Variants in MYO5B observed in about 807,000 individuals in gnomAD.
The protein encoded by MYO5B is unconventional myosin-Vb.
MYO5B carries 143 observed loss-of-function variants against 229.3 expected under a neutral mutation model. The observed-to-expected ratio is 0.62, with a 90% CI of 0.54 to 0.72. The LOEUF (loss-of-function observed/expected upper bound fraction) is 0.72. MYO5B is among the 30% of genes least tolerant of loss of function. The pLI is 0.00. For missense variants in MYO5B, 2,321 were observed against 2,331.0 expected (o/e 1.00, Z 0.09); for synonymous variants, 918 against 885.2 (o/e 1.04, Z -0.66).
chr18:50,040,769 A>C (rs2029990808), intron 2 of MYO5B, among the ~76,000 whole-genome samples: 1 of 152,136 alleles, frequency 6.6e-6, no homozygotes, highest in African/African-American at 2.4e-5. Context: ...AAGTTGAACC[A>C]TTTGTGCATA....
chr18:49,984,628 G>T, intron 8 of MYO5B, 90 bp downstream of exon 8: 1 of 996,746 alleles, frequency 1.0e-6, no homozygotes, highest in Non-Finnish European at 1.6e-6. Flanking sequence ...CCTGCAGGTT[G>T]CTGGCAAGCA....
chr18:50,124,863 A>C (rs2032131654), intron 1 of MYO5B, among the ~76,000 whole-genome samples: 1 of 152,220 alleles, frequency 6.6e-6, no homozygotes, highest in African/African-American at 2.4e-5. Context: ...TGCAGATAAC[A>C]ACATAAGAAT....
chr18:49,888,427 T>C (rs2024670764), intron 22 of MYO5B, among the ~76,000 whole-genome samples: 1 of 152,100 alleles, frequency 6.6e-6, no homozygotes. Context: ...GGGGGTCATC[T>C]GGATTAGGCC....
At chr18:50,070,018 C>CTTTTTTTTTTTTTTTTT (rs765610800) in intron 1 of MYO5B, among the ~76,000 whole-genome samples, 9 of 110,064 alleles carry the variant, frequency 8.2e-5, no homozygotes, top group African/African-American at 3.0e-4. Flanking sequence ...GCAATTTAGT[C>CTTTTTTTTTTTTTTTTT]TTTTTTTTTT....
intron 27 of MYO5B, chr18:49,871,487 T>C (rs2024455431): frequency 6.4e-6 from 1 of 156,404 alleles, no homozygotes; most frequent in African/African-American, 2.4e-5. Flanking sequence ...ATGGGAATGA[T>C]TCAAGACTGT....
At chr18:50,156,321 G>T (rs995094442) in intron 1 of MYO5B, among the ~76,000 whole-genome samples, 1 of 152,156 alleles carries the variant, frequency 6.6e-6, no homozygotes, top group Non-Finnish European at 1.5e-5. Flanking sequence ...ATCTCATCTT[G>T]AACTATAGTT....
intron 4 of MYO5B, among the ~76,000 whole-genome samples, chr18:50,021,458 T>A (rs1299064214): frequency 6.6e-6 from 1 of 152,140 alleles, no homozygotes. Context: ...CAAGAGGGGA[T>A]ATAATAAAGG....
intron 2 of MYO5B, among the ~76,000 whole-genome samples, chr18:50,042,525 G>T (rs1309952046): frequency 1.3e-5 from 2 of 152,124 alleles, no homozygotes; most frequent in African/African-American, 4.8e-5. Flanking sequence ...GGAAACCAGT[G>T]AACAATTAAC....
At chr18:50,029,448 A>G (rs537413393) in intron 4 of MYO5B, among the ~76,000 whole-genome samples, 2 of 152,322 alleles carry the variant, frequency 1.3e-5, no homozygotes, top group African/African-American at 4.8e-5. Context: ...GTCCTAAAGC[A>G]ATTCTGACTA....
chr18:50,023,331 G>T (rs2026297108), intron 4 of MYO5B, among the ~76,000 whole-genome samples: 1 of 152,080 alleles, frequency 6.6e-6, no homozygotes, highest in African/African-American at 2.4e-5. Flanking sequence ...ACTGCAGTGG[G>T]CCCACAACAC....
rs1363770432 is a variant in MYO5B, at chr18:50,043,469, AT to A, written c.139-3156del. Among the ~76,000 whole-genome samples, 172 of 121,362 alleles carry A rather than the reference AT, an allele frequency of 1.4e-3. 2 individuals are homozygous for A. Among genetic ancestry groups the A allele is most frequent in the African/African-American group, 5.4e-3 (163 of 29,912 alleles). 79.6% of individuals were successfully genotyped at this position (121,362 alleles called of 152,430 possible). On this transcript the variant is annotated intron_variant, in intron 2 of 39. Coordinates refer to ENST00000285039, the MANE Select transcript of MYO5B (RefSeq NM_001080467.3). Reference sequence around the variant, plus strand: ...TAAATATTTAAATATATTTGTATATATTTACATATATAAATATATTTTTATA... The same window carrying A: ...TAAATATTTAAATATATTTGTATATATTACATATATAAATATATTTTTATA...
chr18:49,959,582 G>A (rs1390093980), intron 12 of MYO5B, among the ~76,000 whole-genome samples: 1 of 152,126 alleles, frequency 6.6e-6, no homozygotes, highest in Admixed American at 6.6e-5. Context: ...TTTCTTCCAG[G>A]AAACAAAGAA....
At chr18:49,910,819 T>C (rs1053984386) in intron 18 of MYO5B, among the ~76,000 whole-genome samples, 1 of 152,144 alleles carries the variant, frequency 6.6e-6, no homozygotes. Context: ...ACCTGAAAAA[T>C]TAAAATTTCT....
intron 1 of MYO5B, among the ~76,000 whole-genome samples, chr18:50,179,413 C>T (rs1011135792): frequency 1.2e-4 from 19 of 152,184 alleles, no homozygotes; most frequent in African/African-American, 4.6e-4. Flanking sequence ...GTTCCTTCAT[C>T]TGAAGTGGGC....
At chr18:50,192,386 A>G (rs2033240459) in intron 1 of MYO5B, among the ~76,000 whole-genome samples, 1 of 152,230 alleles carries the variant, frequency 6.6e-6, no homozygotes, top group African/African-American at 2.4e-5. Context: ...AATCAAAGCA[A>G]AGACTGCCAA....
chr18:50,142,382 A>C (rs1279230862), intron 1 of MYO5B, among the ~76,000 whole-genome samples: 1 of 152,206 alleles, frequency 6.6e-6, no homozygotes, highest in Non-Finnish European at 1.5e-5. Flanking sequence ...GTTAAACTGT[A>C]AGGAAGTGCA....
At chr18:49,899,848 T>C (rs904149608) in intron 21 of MYO5B, among the ~76,000 whole-genome samples, 1 of 152,186 alleles carries the variant, frequency 6.6e-6, no homozygotes, top group South Asian at 2.1e-4. Context: ...ACACAGGGCA[T>C]CCTGCCCAGG....
At chr18:50,018,153 T>C (rs1039419927) in intron 4 of MYO5B, among the ~76,000 whole-genome samples, 44 of 152,316 alleles carry the variant, frequency 2.9e-4, no homozygotes, top group Admixed American at 1.5e-3. Context: ...GTTGTGGTCA[T>C]AGCTCACCAC....
chr18:49,951,496 A>T (rs1471361954), intron 14 of MYO5B, among the ~76,000 whole-genome samples: 1 of 152,192 alleles, frequency 6.6e-6, no homozygotes, highest in Non-Finnish European at 1.5e-5. Context: ...AATAAAGCTG[A>T]TAAATAAAAA....
Sources: gnomAD v4.1 joint callset for allele counts (sites outside exome capture counted in the v4.1 genomes callset) on GRCh38, gnomAD v4.1.1 for gene constraint, MANE v1.5 for transcripts, NCBI Gene and HGNC (gene_info 2026-07-23, HGNC 2026-07-21) for gene names.